Variants in FBN2 observed in about 807,000 individuals in gnomAD.
FBN2 encodes fibrillin-2.
Under a neutral mutation model 355.6 loss-of-function variants are expected in FBN2, and 105 were observed. That is an observed-to-expected ratio of 0.30 (90% CI 0.25 to 0.35). The LOEUF (loss-of-function observed/expected upper bound fraction) is 0.35, where lower values mean the gene tolerates loss of function less well. Ranked by LOEUF, FBN2 falls within the 10% of genes least tolerant of loss-of-function variation. FBN2 has a pLI of 1.00. For synonymous variants in FBN2, 1,350 were observed against 1,301.2 expected (o/e 1.04, Z -0.81); for missense variants, 3,280 against 3,758.7 (o/e 0.87, Z 3.33).
intron 27 of FBN2, among the ~76,000 whole-genome samples, chr5:128,337,054 A>G (rs1375707539): frequency 6.6e-6 from 1 of 152,234 alleles, no homozygotes; most frequent in Non-Finnish European, 1.5e-5. Context: ...TAAATAACAA[A>G]GTAAACTTAG....
At chr5:128,464,674 A>G in intron 6 of FBN2, 50 bp downstream of exon 6, 3 of 1,589,508 alleles carry the variant, frequency 1.9e-6, no homozygotes, top group Non-Finnish European at 1.7e-6. Context: ...TCCAACAAAA[A>G]GAGAAGTGGC....
intron 7 of FBN2, among the ~76,000 whole-genome samples, chr5:128,410,307 A>G (rs994551993): frequency 6.6e-6 from 1 of 152,354 alleles, no homozygotes; most frequent in Non-Finnish European, 1.5e-5. Flanking sequence ...GCATCTTAAT[A>G]CAACTGAGCA....
rs79124216 is a variant in FBN2 at position 128,483,162 on chromosome 5, T to G, written c.629-18241A>C. On this transcript the variant is annotated intron_variant, in intron 5 of 64. Coordinates refer to ENST00000262464, the MANE Select transcript of FBN2 (RefSeq NM_001999.4). Reference sequence around the variant, plus strand: ...ACAATAGACACCAGGGACTAATAGATGAGGGAGGAAGGGAAGAAGGGTTGA... The same window carrying G: ...ACAATAGACACCAGGGACTAATAGAGGAGGGAGGAAGGGAAGAAGGGTTGA... Among the ~76,000 whole-genome samples the G allele has an allele frequency of 1.4e-3, 216 of 152,070 alleles. 4 individuals carry two copies. In the East Asian group the frequency reaches 0.036, roughly 25 times the overall value.
intron 11 of FBN2, among the ~76,000 whole-genome samples, 192 bp downstream of exon 11, chr5:128,391,826 G>A (rs569003209): frequency 2.0e-5 from 3 of 152,114 alleles, no homozygotes; most frequent in Non-Finnish European, 2.9e-5. Context: ...TGAAAGGGTA[G>A]GAAATTCTTA....
intron 48 of FBN2, among the ~76,000 whole-genome samples, chr5:128,296,774 C>T (rs1394995945): frequency 6.6e-6 from 1 of 151,998 alleles, no homozygotes; most frequent in African/African-American, 2.4e-5. Flanking sequence ...TTTGTTGATC[C>T]TTTCAAAAAA....
intron 7 of FBN2, among the ~76,000 whole-genome samples, chr5:128,428,937 G>A (rs936891617): frequency 6.6e-6 from 1 of 152,104 alleles, no homozygotes; most frequent in African/African-American, 2.4e-5. Flanking sequence ...CCTCTACCTG[G>A]CCACTCTCAT....
At chr5:128,369,157 C>T in intron 16 of FBN2, 25 bp downstream of exon 16, 2 of 1,612,710 alleles carry the variant, frequency 1.2e-6, no homozygotes, top group Non-Finnish European at 1.7e-6. Context: ...TCTTTATCAA[C>T]TGTGAAAATG....
chr5:128,394,974 C>A (rs1581261499), intron 9 of FBN2, 148 bp downstream of exon 9: 1 of 817,706 alleles, frequency 1.2e-6, no homozygotes, highest in East Asian at 2.6e-5. Flanking sequence ...TTTGTAGAGA[C>A]AGGATTTCGC....
chr5:128,316,950 A>G (rs1283248355), intron 36 of FBN2, among the ~76,000 whole-genome samples: 2 of 152,166 alleles, frequency 1.3e-5, no homozygotes, highest in African/African-American at 4.8e-5. Context: ...GCCTGGGTTG[A>G]GAATCACTTT....
At chr5:128,530,348 G>C (rs148670338) in intron 3 of FBN2, among the ~76,000 whole-genome samples, 13 of 152,286 alleles carry the variant, frequency 8.5e-5, no homozygotes, top group African/African-American at 2.4e-4. Context: ...TCTAGTGTTT[G>C]AGACTATACA....
rs752792235 is a variant in FBN2 at position 128,305,572 on chromosome 5, A to G, written c.5613T>C (p.Pro1871=). Residue 1871 remains proline, a synonymous_variant, in exon 44 of 65, where the codon CCT becomes CCC. Coordinates refer to ENST00000262464, the MANE Select transcript of FBN2 (RefSeq NM_001999.4). The part of the protein sequence containing the change: ...CQRNADCINS[P]GSYRCECAAG... ...CGGCACATTCACAGCGGTAACTACC[A>G]GGACTATTGATGCAGTCTGCATTCC... The G allele has an allele frequency of 3.1e-6, 5 of 1,613,974 alleles. No individual in the cohort carries two copies. The highest frequency in any genetic ancestry group is 1.3e-5 in the African/African-American group (1 of 74,938).
chr5:128,408,239 T>C (rs1448221136), intron 8 of FBN2, among the ~76,000 whole-genome samples: 1 of 152,208 alleles, frequency 6.6e-6, no homozygotes, highest in African/African-American at 2.4e-5. Context: ...GAGCATACAA[T>C]GGTTTTAATT....
intron 2 of FBN2, among the ~76,000 whole-genome samples, chr5:128,532,365 C>T (rs1756731878): frequency 6.6e-6 from 1 of 152,210 alleles, no homozygotes; most frequent in African/African-American, 2.4e-5. Context: ...GAATGTTAGG[C>T]TCACTGACAC....
Position 128,536,316 on chromosome 5 carries a change from T to C in FBN2, c.337+86A>G, listed in dbSNP as rs568482190. The C allele has an allele frequency of 1.1e-4, 107 of 990,380 alleles. No individual in the cohort carries two copies. In the East Asian group the frequency reaches 2.5e-3, roughly 23 times the overall value. The allele number at this position is 990,380 out of a possible 1,614,324, so 61.3% of individuals were successfully genotyped here. A position where few individuals can be genotyped will look rare whatever the true frequency, so the allele number is the denominator to read the frequency against. ...GATCACTTGATTTTAAACGCAACTATGCGTCCAAATGGCTGAGTGCAAGAG... is the reference window on the plus strand; with the variant it reads ...GATCACTTGATTTTAAACGCAACTACGCGTCCAAATGGCTGAGTGCAAGAG... On this transcript the variant is annotated intron_variant, in intron 2 of 64. Transcript: ENST00000262464.
intron 5 of FBN2, among the ~76,000 whole-genome samples, chr5:128,505,697 T>C (rs1202123169): frequency 3.4e-5 from 5 of 145,974 alleles, no homozygotes; most frequent in African/African-American, 1.1e-4. Context: ...TTATCTAGAA[T>C]TATATAAAAA....
chr5:128,296,389 T>C (rs1370510712), intron 48 of FBN2, among the ~76,000 whole-genome samples: 2 of 152,076 alleles, frequency 1.3e-5, no homozygotes, highest in Non-Finnish European at 2.9e-5. Flanking sequence ...TTTCTATTGA[T>C]TGGAATAGTT....
Position 128,312,713 on chromosome 5 carries a change from G to A in FBN2, c.4800C>T (p.Gly1600=), listed in dbSNP as rs1290696412. ...SLSCNTEIGV[G]VSRSSCCCSL... The stretch of plus-strand genomic sequence containing the variant: ...AGCAGCAGCATGAAGAGCGACTGAC[G>A]CCCACCCCGATCTCGGTGTTGCAAG... The change falls in exon 37 of 65, where the codon GGC becomes GGT. Residue 1600 remains glycine (G), a synonymous_variant. Coordinates refer to ENST00000262464, the MANE Select transcript of FBN2 (RefSeq NM_001999.4). The A allele has an allele frequency of 1.1e-5, 17 of 1,613,740 alleles. No individual in the cohort carries two copies. The highest frequency in any genetic ancestry group is 2.7e-5 in the African/African-American group (2 of 74,832).
intron 23 of FBN2, among the ~76,000 whole-genome samples, chr5:128,348,997 G>A (rs893085542): frequency 2.6e-5 from 4 of 152,092 alleles, no homozygotes; most frequent in Admixed American, 6.5e-5. Context: ...GCAATGAGCT[G>A]ACAAATGTAA....
intron 22 of FBN2, among the ~76,000 whole-genome samples, chr5:128,349,716 C>A (rs547149170): frequency 3.3e-5 from 5 of 152,226 alleles, no homozygotes; most frequent in Non-Finnish European, 7.4e-5. Context: ...CTGTTCTGGG[C>A]CTTAAAGGCT....
Sources: allele counts gnomAD v4.1 joint callset (sites outside exome capture counted in the v4.1 genomes callset), GRCh38; gene constraint gnomAD v4.1.1; transcripts MANE v1.5; gene names NCBI Gene and HGNC (gene_info 2026-07-23, HGNC 2026-07-21).